AFM: variants seen among roughly 807,000 people sequenced by gnomAD.
AFM encodes afamin.
In AFM, 82 loss-of-function variants were observed where a neutral mutation model predicts 68.7. The observed-to-expected ratio is 1.19, with a 90% CI of 1.00 to 1.43. The LOEUF is 1.43. AFM is among the 40% of genes most tolerant of loss of function. The probability of loss-of-function intolerance (pLI) is 0.00; values close to 1 mark genes in which losing one functional copy is unlikely to be tolerated. For missense variants in AFM, 772 were observed against 701.8 expected (o/e 1.10, Z -1.13); for synonymous variants, 250 against 234.2 (o/e 1.07, Z -0.61).
intron 8 of AFM, among the ~76,000 whole-genome samples, chr4:73,494,801 AT>A (rs1721204966): frequency 6.6e-6 from 1 of 152,112 alleles, no homozygotes; most frequent in African/African-American, 2.4e-5. Flanking sequence ...ACTGCCAGTG[AT>A]TTGGAGCTGA....
Position 73,499,117 on chromosome 4 carries a change from C to A in AFM, c.1293C>A (p.Tyr431Ter). Residue 431 changes from tyrosine to a stop codon, truncating the protein, a stop_gained, in exon 11 of 15, where the codon TAC (tyrosine) becomes TAA (stop). Coordinates refer to ENST00000226355, the MANE Select transcript of AFM (RefSeq NM_001133.2). LOFTEE classifies it high-confidence loss of function. ...NLGKDGLKYH[Y>*]LIRLTKIAPQ... ...AAACAGACAAATGTTCTTTCAGTTA[C>A]CTCATCAGGCTCACGAAGATAGCTC... 6.2e-7 allele frequency: 1 copy of A among 1,609,856 alleles called. No homozygotes were observed. Among genetic ancestry groups the A allele is most frequent in the Non-Finnish European group, 8.5e-7 (1 of 1,178,074 alleles).
Position 73,484,511 on chromosome 4 carries a change from T to C in AFM, c.270+121T>C, listed in dbSNP as rs533859021. ...CTTTCTTTCTTTCTTTCTTTCATTC[T>C]TTCTTTCTTCTTTCTTTCTTTCTTT... On this transcript the variant is annotated intron_variant, in intron 3 of 14. Coordinates refer to ENST00000226355, the MANE Select transcript of AFM (RefSeq NM_001133.2). 1.2e-5 allele frequency: 9 copies of C among 728,036 alleles called. No homozygotes were observed. In the South Asian group the frequency reaches 2.6e-4, roughly 21 times the overall value. The allele number at this position is 728,036 out of a possible 1,614,324, so 45.1% of individuals were successfully genotyped here. A position where few individuals can be genotyped will look rare whatever the true frequency, so the allele number is the denominator to read the frequency against.
At chr4:73,501,644 G>A in intron 12 of AFM, 143 bp from the exon 13 acceptor site, 1 of 750,270 alleles carries the variant, frequency 1.3e-6, no homozygotes, top group Non-Finnish European at 2.0e-6. Flanking sequence ...AGTTTCAGAA[G>A]ACCCATTCAA....
chr4:73,495,479 GA>G (rs1310750520), intron 9 of AFM, 47 bp downstream of exon 9: 1 of 1,585,712 alleles, frequency 6.3e-7, no homozygotes, highest in Non-Finnish European at 8.5e-7. Context: ...AGAACAACTA[GA>G]AAACACTTAA....
chr4:73,501,094 A>G (rs1721410767), intron 12 of AFM, among the ~76,000 whole-genome samples: 1 of 152,178 alleles, frequency 6.6e-6, no homozygotes, highest in Non-Finnish European at 1.5e-5. Context: ...TACTTTTAAG[A>G]CATCAATGGG....
intron 6 of AFM, among the ~76,000 whole-genome samples, chr4:73,488,384 G>A (rs1037086313): frequency 1.3e-5 from 2 of 148,902 alleles, no homozygotes; most frequent in African/African-American, 4.9e-5. Context: ...ATGGAAGAAA[G>A]CACACCTCTC....
At chr4:73,503,245 A>G (rs1577983052) in intron 14 of AFM, 135 bp downstream of exon 14, 1 of 659,444 alleles carries the variant, frequency 1.5e-6, no homozygotes, top group African/African-American at 1.8e-5. Context: ...TAGCTAACAG[A>G]CCCCGATATT....
rs1477116535 is a variant in AFM, at chr4:73,486,072, C to T, written c.481C>T (p.His161Tyr). 1.5e-5 allele frequency: 24 copies of T among 1,610,970 alleles called. No homozygotes were observed. In the Admixed American group the frequency reaches 3.7e-4, roughly 25 times the overall value. Residue 161 changes from histidine to tyrosine, a missense_variant and splice_region_variant, in exon 4 of 15, where the codon CAC becomes TAC. His to Tyr is a moderately conservative substitution (Grantham distance 83). Coordinates refer to ENST00000226355, the MANE Select transcript of AFM (RefSeq NM_001133.2). ...YESNRESLLN[H>Y]FLYEVARRNP... ...AAGTAACAGAGAATCCCTTTTAAAT[C>T]AGTAAGTTTAATCTTAGTAAAAAAT...
intron 7 of AFM, among the ~76,000 whole-genome samples, chr4:73,489,869 C>A (rs764317079): frequency 1.3e-5 from 2 of 152,154 alleles, no homozygotes; most frequent in Admixed American, 1.3e-4. Context: ...CTCATGCATG[C>A]GGGGCTTAAA....
chr4:73,501,759 A>G (rs764410224), intron 12 of AFM, 28 bp from the exon 13 acceptor site: 1 of 1,601,022 alleles, frequency 6.2e-7, no homozygotes, highest in Non-Finnish European at 8.5e-7. Context: ...AGCGTTAATT[A>G]ATTTTATTTG....
At chr4:73,502,718 CACTT>C (rs377031375) in intron 13 of AFM, among the ~76,000 whole-genome samples, 10 of 152,282 alleles carry the variant, frequency 6.6e-5, no homozygotes, top group Middle Eastern at 3.4e-3. Context: ...TTCTGAGTGA[CACTT>C]AGTTTGTGGA....
chr4:73,497,718 C>A lies in AFM; in HGVS notation c.1258C>A (p.Gln420Lys). Residue 420 changes from glutamine (Q) to lysine (K), a missense_variant, in exon 10 of 15, where the codon CAG becomes AAG. Physicochemically the swap from Gln to Lys is moderately conservative, Grantham distance 53. Transcript: ENST00000226355. ...KMVQQECKHF[Q>K]NLGKDGLKYH... The stretch of plus-strand genomic sequence containing the variant: ...GGTACAACAAGAATGTAAACATTTC[C>A]AGAATTTGGGGAAGGATGGTTTGAA... 1 of 1,607,980 alleles carries A rather than the reference C, an allele frequency of 6.2e-7. No individual in the cohort carries two copies. Among genetic ancestry groups the A allele is most frequent in the Non-Finnish European group, 8.5e-7 (1 of 1,176,640 alleles).
rs1720893988 is a variant in AFM, at chr4:73,486,050, TA to T, written c.461del (p.Asn154ThrfsTer6). The T allele has an allele frequency of 6.2e-7, 1 of 1,613,750 alleles. No homozygotes were observed. The highest frequency in any genetic ancestry group is 1.3e-5 in the African/African-American group (1 of 74,938). ...PEEKCQAYES[N>X]RESLLNHFLY... ...AAGAGAAATGCCAGGCTTATGAAAG[TA>T]ACAGAGAATCCCTTTTAAATCAGTA... is the stretch of plus-strand genomic sequence containing the variant. On this transcript the variant is annotated frameshift_variant, in exon 4 of 15. Transcript: ENST00000226355. LOFTEE classifies it high-confidence loss of function.
chr4:73,502,905 A>T, intron 13 of AFM, 145 bp from the exon 14 acceptor site: 1 of 790,958 alleles, frequency 1.3e-6, no homozygotes, highest in Non-Finnish European at 2.1e-6. Context: ...TTTTTTCACT[A>T]GAAGAAAGAA....
In AFM at chr4:73,500,107, G is replaced by T. The variant is rs1289199723; in HGVS notation, c.1526G>T (p.Cys509Phe). The T allele has an allele frequency of 2.5e-6, 4 of 1,613,962 alleles. No homozygotes were observed. Among genetic ancestry groups the T allele is most frequent in the Middle Eastern group, 1.6e-4 (1 of 6,084 alleles). The change falls in exon 12 of 15, where the codon TGC becomes TTC. Residue 509 changes from cysteine to phenylalanine, a missense_variant. Physicochemically the swap from Cys to Phe is radical, Grantham distance 205. Transcript: ENST00000226355. The part of the protein sequence containing the change: ...CKTNFAFRRP[C>F]FESLKADKTY... ...ACAAACTTTGCCTTCAGAAGGCCCT[G>T]CTTTGAGAGTTTGAAAGCTGATAAA...
At chr4:73,493,865 T>C (rs72856641) in intron 8 of AFM, among the ~76,000 whole-genome samples, 6,472 of 152,276 alleles carry the variant, frequency 0.043, 206 homozygotes, top group African/African-American at 0.084. Context: ...TAATCGTCAC[T>C]ATTACAACAT....
At chr4:73,482,903 A>G (rs905610652) in intron 1 of AFM, among the ~76,000 whole-genome samples, 1 of 152,126 alleles carries the variant, frequency 6.6e-6, no homozygotes, top group Non-Finnish European at 1.5e-5. Context: ...TCAGATTACT[A>G]TCCTATATAA....
chr4:73,483,958 C>A lies in AFM; in HGVS notation c.106C>A (p.Gln36Lys), dbSNP rs781727350. 5.2e-5 allele frequency: 79 copies of A among 1,529,944 alleles called. No individual in the cohort carries two copies. The highest frequency in any genetic ancestry group is 6.8e-5 in the Non-Finnish European group (76 of 1,119,510). The allele number at this position is 1,529,944 out of a possible 1,614,324, so 94.8% of individuals were successfully genotyped here. A position where few individuals can be genotyped will look rare whatever the true frequency, so the allele number is the denominator to read the frequency against. ...CTTTTCAGAGAACTTCAATAGTACTCAAAAATTTATAGAAGATAATATTGA... is the reference window on the plus strand; with the variant it reads ...CTTTTCAGAGAACTTCAATAGTACTAAAAAATTTATAGAAGATAATATTGA... Reference protein sequence around the residue: ...PRDIENFNSTQKFIEDNIEYI... With the variant: ...PRDIENFNSTKKFIEDNIEYI... The change falls in exon 2 of 15, where the codon CAA (glutamine) becomes AAA (lysine). Residue 36 changes from glutamine to lysine, a missense_variant. Gln to Lys is a moderately conservative substitution (Grantham distance 53, BLOSUM62 1). Transcript: ENST00000226355.
At position 73,487,782 on chromosome 4, in the gene AFM, G is replaced by T. The variant is rs767212648; in HGVS notation, c.674G>T (p.Gly225Val). The T allele has an allele frequency of 5.0e-6, 8 of 1,612,910 alleles. No homozygotes were observed. Among genetic ancestry groups the T allele is most frequent in the Non-Finnish European group, 6.8e-6 (8 of 1,179,266 alleles). Reference protein sequence around the residue: ...AFSSYQKHVCGALLKFGTKVV... With the variant: ...AFSSYQKHVCVALLKFGTKVV... The stretch of plus-strand genomic sequence containing the variant: ...TCTTCTTATCAAAAACATGTCTGTG[G>T]GGCACTTTTGAAATTTGGAACCAAA... Residue 225 changes from glycine to valine, a missense_variant, in exon 6 of 15, where the codon GGG becomes GTG. Transcript: ENST00000226355.
Sources: gnomAD v4.1 joint callset for allele counts (sites outside exome capture counted in the v4.1 genomes callset) on GRCh38, gnomAD v4.1.1 for gene constraint, MANE v1.5 for transcripts, NCBI Gene and HGNC (gene_info 2026-07-23, HGNC 2026-07-21) for gene names.